RPS17: variants seen among roughly 807,000 people sequenced by gnomAD.
RPS17 encodes ribosomal protein S17.
For synonymous variants in RPS17, 75 were observed against 65.6 expected (o/e 1.14, Z -0.70); for missense variants, 68 against 182.3 (o/e 0.37, Z 3.61).
intron 2 of RPS17, among the ~76,000 whole-genome samples, 161 bp from the exon 3 acceptor site, chr15:82,539,146 T>A (rs2034294824): frequency 6.6e-6 from 1 of 152,220 alleles, no homozygotes; most frequent in Admixed American, 6.5e-5. Flanking sequence ...GAACCTCCAC[T>A]GGCCTGAGCA....
rs1401303424 is a variant in RPS17 at position 82,540,152 on chromosome 15, G to A, written c.4-20C>T. 3.7e-6 allele frequency: 6 copies of A among 1,613,674 alleles called. No individual in the cohort carries two copies. Among genetic ancestry groups the A allele is most frequent in the South Asian group, 2.2e-5 (2 of 91,058 alleles). On this transcript the variant is annotated intron_variant, in intron 1 of 4. Transcript: ENST00000647841. The stretch of plus-strand genomic sequence containing the variant: ...GCGGCCCTGCGGGTGGAGAGGACAG[G>A]ATCACTCACGAGCCAGCGCAACCTT...
intron 2 of RPS17, chr15:82,539,219 C>A: frequency 4.5e-6 from 3 of 666,454 alleles, no homozygotes; most frequent in Non-Finnish European, 8.2e-6. Flanking sequence ...AAGCGCCCCA[C>A]CCCCAACTCG....
At chr15:82,537,966 C>G (rs1331596877) in intron 4 of RPS17, 5 of 466,502 alleles carry the variant, frequency 1.1e-5, no homozygotes, top group Admixed American at 7.0e-5. Flanking sequence ...AGCATGGAGA[C>G]ACCAAAGGAA....
At chr15:82,538,592 T>C in intron 3 of RPS17, 1 of 675,928 alleles carries the variant, frequency 1.5e-6, no homozygotes, top group African/African-American at 1.8e-5. Flanking sequence ...ACACTTGAAG[T>C]CTGTGTTTAC....
In RPS17 at chr15:82,539,667, C is replaced by G. The variant is rs1004452320; in HGVS notation, c.155+314G>C. Reference sequence around the variant, plus strand: ...TGGCGCCACTGCACTCTAGCCTGGGCGCCAGGGCAAGATTCCGTCTCAAAA... The same window carrying G: ...TGGCGCCACTGCACTCTAGCCTGGGGGCCAGGGCAAGATTCCGTCTCAAAA... On this transcript the variant is annotated intron_variant, in intron 2 of 4. Coordinates refer to ENST00000647841, the MANE Select transcript of RPS17 (RefSeq NM_001021.6). 9.0e-6 allele frequency: 4 copies of G among 446,302 alleles called. No homozygotes were observed. The Admixed American group carries it at 1.0e-4, about 12-fold the overall frequency. The allele number at this position is 446,302 out of a possible 1,614,324, so 27.6% of individuals were successfully genotyped here.
intron 4 of RPS17, chr15:82,538,021 C>A (rs1472050317): frequency 2.0e-6 from 1 of 500,022 alleles, no homozygotes; most frequent in African/African-American, 1.9e-5. Context: ...AGGGCTGACA[C>A]AAAGGGGGCA....
At chr15:82,538,022 A>G (rs2034270915) in intron 4 of RPS17, 1 of 501,500 alleles carries the variant, frequency 2.0e-6, no homozygotes. Context: ...GGGCTGACAC[A>G]AAGGGGGCAA....
At chr15:82,538,118 T>C in intron 4 of RPS17, 188 bp downstream of exon 4, 2 of 659,956 alleles carry the variant, frequency 3.0e-6, no homozygotes, top group Non-Finnish European at 5.7e-6. Flanking sequence ...ATCATGATCT[T>C]GTGGCGAACT....
intron 4 of RPS17, chr15:82,537,502 C>T: frequency 3.3e-6 from 1 of 303,620 alleles, no homozygotes; most frequent in South Asian, 3.0e-5. Context: ...AAGAGCAGAC[C>T]CTGCCCTCAA....
rs920069114 is a variant in RPS17, at chr15:82,538,976, C to A, written c.165G>T (p.Thr55=). The A allele has an allele frequency of 3.4e-5, 55 of 1,613,802 alleles. No individual in the cohort carries two copies. In the Middle Eastern group the frequency reaches 2.0e-3, roughly 58 times the overall value. The change falls in exon 3 of 5, where the codon ACG becomes ACT. Residue 55 remains threonine, a synonymous_variant. Coordinates refer to ENST00000647841, the MANE Select transcript of RPS17 (RefSeq NM_001021.6). ...CTCTCTGAATTCGCTTCATCAGATG[C>A]GTGACATAACTACAAAGCACACACA... ...KLRNKIAGYV[T]HLMKRIQRGP...
chr15:82,538,482 A>G, intron 3 of RPS17, 111 bp from the exon 4 acceptor site: 2 of 1,216,116 alleles, frequency 1.6e-6, no homozygotes, highest in East Asian at 4.7e-5. Context: ...GCACAAGGAT[A>G]GCATTCCTCT....
chr15:82,538,095 A>C (rs2034272896), intron 4 of RPS17: 1 of 626,014 alleles, frequency 1.6e-6, no homozygotes, highest in Non-Finnish European at 3.1e-6. Context: ...CCTGGAAGCC[A>C]CTAGATTTGG....
intron 2 of RPS17, 25 bp from the exon 3 acceptor site, chr15:82,539,010 G>T: frequency 1.2e-6 from 2 of 1,609,834 alleles, no homozygotes; most frequent in Non-Finnish European, 1.7e-6. Flanking sequence ...CAGCCAAAGA[G>T]AACAGTGAGA....
At chr15:82,538,058 C>A in intron 4 of RPS17, 1 of 554,308 alleles carries the variant, frequency 1.8e-6, no homozygotes. Context: ...AAACCAAGAA[C>A]AGAAGCAGCC....
intron 4 of RPS17, chr15:82,537,946 C>T (rs1255998214): frequency 8.7e-6 from 4 of 461,464 alleles, no homozygotes; most frequent in Admixed American, 4.7e-5. Context: ...AAGCTCATTT[C>T]TGAGTGGTTA....
chr15:82,538,591 G>A, intron 3 of RPS17: 3 of 676,566 alleles, frequency 4.4e-6, no homozygotes, highest in African/African-American at 1.8e-5. Context: ...AACACTTGAA[G>A]TCTGTGTTTA....
intron 2 of RPS17, chr15:82,539,361 G>A (rs1161487525): frequency 3.2e-5 from 15 of 470,472 alleles, no homozygotes; most frequent in Non-Finnish European, 5.5e-5. Context: ...TAAATCTCTC[G>A]AACAGTAACT....
intron 2 of RPS17, 26 bp downstream of exon 2, chr15:82,539,955 C>G: frequency 6.2e-7 from 1 of 1,611,966 alleles, no homozygotes; most frequent in Non-Finnish European, 8.5e-7. Flanking sequence ...CGCGGAGCCC[C>G]GGAGGCCGAG....
intron 2 of RPS17, 62 bp downstream of exon 2, chr15:82,539,919 G>A: frequency 3.1e-6 from 5 of 1,611,756 alleles, no homozygotes; most frequent in Non-Finnish European, 3.4e-6. Context: ...TCCCGAGTCG[G>A]AGGGCGGCAG....
Sources: allele counts gnomAD v4.1 joint callset (sites outside exome capture counted in the v4.1 genomes callset), GRCh38; gene constraint gnomAD v4.1.1; transcripts MANE v1.5; gene names NCBI Gene and HGNC (gene_info 2026-07-23, HGNC 2026-07-21).